The following OLA1 variants were observed in gnomAD, a reference collection of about 807,000 sequenced individuals.
The protein encoded by OLA1 is obg-like ATPase 1.
Under a neutral mutation model 48.4 loss-of-function variants are expected in OLA1, and 14 were observed. The observed-to-expected ratio is 0.29, with a 90% CI of 0.19 to 0.45. The LOEUF (loss-of-function observed/expected upper bound fraction) is 0.45, where lower values mean the gene tolerates loss of function less well. Ranked by LOEUF, OLA1 falls within the 20% of genes least tolerant of loss-of-function variation. The probability of loss-of-function intolerance (pLI) is 1.00; values close to 1 mark genes in which losing one functional copy is unlikely to be tolerated. For missense variants in OLA1, 325 were observed against 467.1 expected (o/e 0.70, Z 2.80); for synonymous variants, 127 against 150.4 (o/e 0.84, Z 1.14).
intron 2 of OLA1, among the ~76,000 whole-genome samples, chr2:174,239,680 C>T (rs192997637): frequency 4.5e-4 from 64 of 143,670 alleles, no homozygotes; most frequent in African/African-American, 1.6e-3. Flanking sequence ...GAGTTTGAGA[C>T]CAGCCTGGGC....
chr2:174,218,431 AGTT>A (rs1469459431), intron 4 of OLA1, among the ~76,000 whole-genome samples: 2 of 152,198 alleles, frequency 1.3e-5, no homozygotes, highest in Admixed American at 6.5e-5. Flanking sequence ...AAATTCTGAC[AGTT>A]GTTATGTTTA....
At chr2:174,202,977 A>C (rs1688023214) in intron 4 of OLA1, among the ~76,000 whole-genome samples, 1 of 152,154 alleles carries the variant, frequency 6.6e-6, no homozygotes, top group Non-Finnish European at 1.5e-5. Flanking sequence ...GTGTTGTTCA[A>C]GGGTCAACTG....
At chr2:174,243,210 C>T (rs1323768831) in intron 2 of OLA1, among the ~76,000 whole-genome samples, 2 of 152,076 alleles carry the variant, frequency 1.3e-5, no homozygotes, top group South Asian at 2.1e-4. Flanking sequence ...GGTTTCACCA[C>T]GCTGGTCAGG....
At chr2:174,169,718 GAAAGA>G (rs1295572678) in intron 4 of OLA1, among the ~76,000 whole-genome samples, 1 of 152,150 alleles carries the variant, frequency 6.6e-6, no homozygotes, top group Non-Finnish European at 1.5e-5. Flanking sequence ...CAGATTCTCA[GAAAGA>G]AAAGAAAAGC....
chr2:174,246,889 A>G (rs1366264082), intron 1 of OLA1, 74 bp from the exon 2 acceptor site: 2 of 797,342 alleles, frequency 2.5e-6, no homozygotes, highest in Non-Finnish European at 4.2e-6. Context: ...TTCATCACAT[A>G]CAATATATTA....
At chr2:174,215,080 C>T (rs1315484562) in intron 4 of OLA1, among the ~76,000 whole-genome samples, 1 of 150,884 alleles carries the variant, frequency 6.6e-6, no homozygotes, top group Non-Finnish European at 1.5e-5. Context: ...AAAAAGCAAA[C>T]TTCGGAAGAA....
intron 4 of OLA1, among the ~76,000 whole-genome samples, chr2:174,209,775 A>C (rs1242463207): frequency 1.3e-5 from 2 of 152,222 alleles, no homozygotes; most frequent in Non-Finnish European, 2.9e-5. Context: ...ATGAAGAAAT[A>C]AATTGATGTA....
At chr2:174,214,765 A>G (rs1688323197) in intron 4 of OLA1, among the ~76,000 whole-genome samples, 1 of 152,172 alleles carries the variant, frequency 6.6e-6, no homozygotes, top group South Asian at 2.1e-4. Flanking sequence ...CATTTTAAAA[A>G]GGGGCTGGGA....
chr2:174,215,538 G>A (rs1202637272), intron 4 of OLA1, among the ~76,000 whole-genome samples: 1 of 152,006 alleles, frequency 6.6e-6, no homozygotes, highest in East Asian at 1.9e-4. Flanking sequence ...GATGAAACAT[G>A]TAGCCTAGAA....
intron 4 of OLA1, among the ~76,000 whole-genome samples, chr2:174,180,677 C>A (rs1687512356): frequency 6.6e-6 from 1 of 152,192 alleles, no homozygotes; most frequent in African/African-American, 2.4e-5. Flanking sequence ...TTCTACTGGC[C>A]TACTTGGCCC....
At chr2:174,170,214 C>T (rs976052909) in intron 4 of OLA1, among the ~76,000 whole-genome samples, 4 of 152,018 alleles carry the variant, frequency 2.6e-5, no homozygotes, top group Non-Finnish European at 5.9e-5. Context: ...GCCTGGGCTA[C>T]AGAGCGAGAC....
intron 4 of OLA1, among the ~76,000 whole-genome samples, chr2:174,160,263 C>A (rs1022151218): frequency 6.6e-6 from 1 of 152,060 alleles, no homozygotes; most frequent in Non-Finnish European, 1.5e-5. Flanking sequence ...TAAAACCTAT[C>A]TGGAAATGAA....
chr2:174,111,226 AATT>A (rs1400884729), intron 7 of OLA1, among the ~76,000 whole-genome samples: 1 of 152,186 alleles, frequency 6.6e-6, no homozygotes, highest in Non-Finnish European at 1.5e-5. Flanking sequence ...AAAATATTGC[AATT>A]ATGTTTGCTC....
chr2:174,160,939 A>T (rs1369410637), intron 4 of OLA1, among the ~76,000 whole-genome samples: 1 of 152,236 alleles, frequency 6.6e-6, no homozygotes, highest in Non-Finnish European at 1.5e-5. Flanking sequence ...CTAAACGACA[A>T]GAAAACTTAC....
intron 1 of OLA1, chr2:174,248,191 C>A: frequency 6.2e-6 from 1 of 161,568 alleles, no homozygotes; most frequent in Non-Finnish European, 1.4e-5. Context: ...ACCCCCCATC[C>A]TCCTCTCCGG....
intron 4 of OLA1, among the ~76,000 whole-genome samples, chr2:174,155,670 A>G (rs775585197): frequency 2.0e-5 from 3 of 152,224 alleles, no homozygotes; most frequent in Non-Finnish European, 4.4e-5. Flanking sequence ...GTTTAAATGT[A>G]TAAGTCAAAC....
chr2:174,229,513 A>C, intron 2 of OLA1, 62 bp from the exon 3 acceptor site: 1 of 1,236,214 alleles, frequency 8.1e-7, no homozygotes, highest in South Asian at 1.3e-5. Flanking sequence ...AATTTATCTC[A>C]CTCTAATTTC....
At chr2:174,230,848 T>C (rs1397440278) in intron 2 of OLA1, among the ~76,000 whole-genome samples, 1 of 152,160 alleles carries the variant, frequency 6.6e-6, no homozygotes, top group Non-Finnish European at 1.5e-5. Flanking sequence ...AAATGCAGGA[T>C]ACAGAAGGCA....
chr2:174,200,242 G>A (rs755621337), intron 4 of OLA1, among the ~76,000 whole-genome samples: 1 of 151,972 alleles, frequency 6.6e-6, no homozygotes, highest in Non-Finnish European at 1.5e-5. Context: ...TTAGAGTCTC[G>A]AGATAAAAAA....
Sources: gnomAD v4.1 joint callset for allele counts (sites outside exome capture counted in the v4.1 genomes callset) on GRCh38, gnomAD v4.1.1 for gene constraint, MANE v1.5 for transcripts, NCBI Gene and HGNC (gene_info 2026-07-23, HGNC 2026-07-21) for gene names.